Variants in MRPL48 observed in about 807,000 individuals in gnomAD.
MRPL48 encodes mitochondrial ribosomal protein L48, also known as large ribosomal subunit protein mL48.
In MRPL48, 16 loss-of-function variants were observed where a neutral mutation model predicts 32.9. The observed-to-expected ratio is 0.49, with a 90% CI of 0.33 to 0.74. The LOEUF (loss-of-function observed/expected upper bound fraction) is 0.74, where lower values mean the gene tolerates loss of function less well. MRPL48 is among the 30% of genes least tolerant of loss of function. The pLI is 0.02. For missense variants in MRPL48, 206 were observed against 245.3 expected (o/e 0.84, Z 1.07); for synonymous variants, 94 against 89.2 (o/e 1.05, Z -0.31).
At chr11:73,803,083 T>C (rs550757682) in intron 1 of MRPL48, among the ~76,000 whole-genome samples, 28 of 152,280 alleles carry the variant, frequency 1.8e-4, no homozygotes, top group African/African-American at 6.3e-4. Flanking sequence ...AGAGTTCCCA[T>C]ATATCCCAAG....
At chr11:73,832,266 T>C (rs1948010222) in intron 4 of MRPL48, 1 of 152,220 alleles carries the variant, frequency 6.6e-6, no homozygotes, top group Non-Finnish European at 1.5e-5. Context: ...AGCTTTTCTT[T>C]TGGAAACTTC....
At chr11:73,849,213 T>C (rs1948347305) in intron 5 of MRPL48, among the ~76,000 whole-genome samples, 1 of 152,186 alleles carries the variant, frequency 6.6e-6, no homozygotes, top group African/African-American at 2.4e-5. Flanking sequence ...CTCGGCTGAC[T>C]GCAACCTCTG....
chr11:73,839,321 G>T (rs1349008927), intron 4 of MRPL48, among the ~76,000 whole-genome samples: 1 of 152,142 alleles, frequency 6.6e-6, no homozygotes, highest in Non-Finnish European at 1.5e-5. Flanking sequence ...TTGGCTATTA[G>T]ATGGGGTGAC....
rs372098557 is a variant in MRPL48 at position 73,827,898 on chromosome 11, G to T, written c.201+2102G>T. ...TGTAGTGGGAAGTCTACTGAATTAG[G>T]AACAAGGAAACTTGTGTTCTAGGCT... On this transcript the variant is annotated intron_variant, in intron 4 of 7. Transcript: ENST00000310614. Among the ~76,000 whole-genome samples, 197 of 152,250 alleles carry T rather than the reference G, an allele frequency of 1.3e-3. 1 individual carries two copies. Among genetic ancestry groups the T allele is most frequent in the African/African-American group, 4.5e-3 (188 of 41,548 alleles).
At chr11:73,838,684 A>G (rs937438781) in intron 4 of MRPL48, among the ~76,000 whole-genome samples, 1 of 152,190 alleles carries the variant, frequency 6.6e-6, no homozygotes, top group Admixed American at 6.5e-5. Context: ...AAGAGGAGAG[A>G]GCCAAATGCC....
At chr11:73,788,522 G>A (rs2512628) in intron 1 of MRPL48, among the ~76,000 whole-genome samples, 73,861 of 142,394 alleles carry the variant, frequency 0.52, 20,238 homozygotes, top group African/African-American at 0.73. Flanking sequence ...TGCCCAGGCT[G>A]GAGTGCAGTG....
At chr11:73,825,203 G>A (rs572715548) in intron 3 of MRPL48, among the ~76,000 whole-genome samples, 2 of 149,740 alleles carry the variant, frequency 1.3e-5, no homozygotes, top group South Asian at 2.1e-4. Context: ...ATTAATATTT[G>A]ATTTCTAGAT....
At chr11:73,804,497 C>T (rs138076694) in intron 1 of MRPL48, among the ~76,000 whole-genome samples, 3,554 of 152,016 alleles carry the variant, frequency 0.023, 144 homozygotes, top group African/African-American at 0.082. Context: ...GTCTTGAACT[C>T]CTGACCTCGT....
intron 5 of MRPL48, among the ~76,000 whole-genome samples, chr11:73,857,143 T>G (rs1292665665): frequency 6.6e-6 from 1 of 152,084 alleles, no homozygotes; most frequent in Non-Finnish European, 1.5e-5. Flanking sequence ...AGACCTTTTT[T>G]TTTTTGAGAC....
chr11:73,802,046 T>C (rs1947370649), intron 1 of MRPL48: 2 of 152,158 alleles, frequency 1.3e-5, no homozygotes, highest in African/African-American at 4.8e-5. Flanking sequence ...GTAGGCAAAC[T>C]CTTTATATAT....
chr11:73,845,669 G>A (rs1183038496), intron 5 of MRPL48, among the ~76,000 whole-genome samples: 2 of 152,174 alleles, frequency 1.3e-5, no homozygotes, highest in Non-Finnish European at 2.9e-5. Context: ...ACTCGGGAGG[G>A]TGAGGCGGGA....
intron 2 of MRPL48, among the ~76,000 whole-genome samples, chr11:73,806,506 C>G (rs1347510813): frequency 1.3e-5 from 2 of 152,078 alleles, no homozygotes; most frequent in Non-Finnish European, 2.9e-5. Flanking sequence ...TTCCTTTATA[C>G]TTTGCTTTTT....
chr11:73,835,295 C>A (rs2135033073), intron 4 of MRPL48, among the ~76,000 whole-genome samples: 1 of 152,166 alleles, frequency 6.6e-6, no homozygotes. Flanking sequence ...GCACGTGCCA[C>A]CATGCCCAGC....
chr11:73,857,284 C>T (rs1013566019), intron 5 of MRPL48, among the ~76,000 whole-genome samples: 1 of 152,020 alleles, frequency 6.6e-6, no homozygotes, highest in Non-Finnish European at 1.5e-5. Flanking sequence ...GCGCTCACCA[C>T]CACGCCCAGC....
intron 1 of MRPL48, among the ~76,000 whole-genome samples, chr11:73,794,911 AT>A (rs556425789): frequency 2.9e-3 from 299 of 102,200 alleles, no homozygotes; most frequent in Admixed American, 3.1e-3. Context: ...TGCCCAGCTA[AT>A]TTTTTTTTTT....
intron 3 of MRPL48, among the ~76,000 whole-genome samples, chr11:73,815,145 G>A (rs1013522667): frequency 2.0e-5 from 3 of 152,056 alleles, no homozygotes; most frequent in Non-Finnish European, 4.4e-5. Flanking sequence ...GCTAGGCGTC[G>A]TGTCTCATGT....
chr11:73,845,583 G>A (rs1948273469), intron 5 of MRPL48, among the ~76,000 whole-genome samples: 1 of 152,126 alleles, frequency 6.6e-6, no homozygotes, highest in Middle Eastern at 3.4e-3. Flanking sequence ...GACCTGCCTG[G>A]GCAACATAGC....
chr11:73,822,139 G>A (rs988867315), intron 3 of MRPL48, among the ~76,000 whole-genome samples: 3 of 152,100 alleles, frequency 2.0e-5, no homozygotes, highest in Non-Finnish European at 4.4e-5. Context: ...TGAAACTGGG[G>A]CAGCAGTCAG....
intron 3 of MRPL48, among the ~76,000 whole-genome samples, chr11:73,813,765 G>A (rs1014874814): frequency 1.3e-5 from 2 of 152,010 alleles, no homozygotes; most frequent in African/African-American, 4.8e-5. Context: ...TCCATGGCTG[G>A]GCATGGTGGC....
Sources: gnomAD v4.1 joint callset for allele counts (sites outside exome capture counted in the v4.1 genomes callset) on GRCh38, gnomAD v4.1.1 for gene constraint, MANE v1.5 for transcripts, NCBI Gene and HGNC (gene_info 2026-07-23, HGNC 2026-07-21) for gene names.